Variants in CPED1 observed in about 807,000 individuals in gnomAD.
CPED1 encodes the protein cadherin-like and PC-esterase domain-containing protein 1.
CPED1 carries 114 observed loss-of-function variants against 128.2 expected under a neutral mutation model. The ratio of observed to expected loss-of-function variants is 0.89; its 90% CI spans 0.76 to 1.04. The LOEUF (loss-of-function observed/expected upper bound fraction) is 1.04. Ranked by LOEUF, CPED1 falls within the 50% of genes least tolerant of loss-of-function variation. The probability of loss-of-function intolerance (pLI) is 0.00; values close to 1 mark genes in which losing one functional copy is unlikely to be tolerated. For synonymous variants in CPED1, 462 were observed against 426.7 expected (o/e 1.08, Z -1.02); for missense variants, 1,211 against 1,207.1 (o/e 1.00, Z -0.05).
At chr7:121,252,518 G>A (rs1824841535) in intron 18 of CPED1, among the ~76,000 whole-genome samples, 1 of 151,798 alleles carries the variant, frequency 6.6e-6, no homozygotes, top group South Asian at 2.1e-4. Flanking sequence ...ACTACCATCA[G>A]AGTGAACAGG....
chr7:121,255,549 T>G (rs1304556138), intron 18 of CPED1, among the ~76,000 whole-genome samples: 1 of 152,054 alleles, frequency 6.6e-6, no homozygotes. Context: ...AACATAGTAC[T>G]GGAAGTTCTA....
intron 4 of CPED1, among the ~76,000 whole-genome samples, chr7:121,060,572 G>C (rs1365260051): frequency 6.6e-6 from 1 of 152,204 alleles, no homozygotes; most frequent in Non-Finnish European, 1.5e-5. Context: ...TTCTGGAGGG[G>C]CCTTGGAGAA....
At chr7:121,188,668 C>T (rs1442609886) in intron 16 of CPED1, among the ~76,000 whole-genome samples, 1 of 151,890 alleles carries the variant, frequency 6.6e-6, no homozygotes, top group Admixed American at 6.6e-5. Context: ...GAAAAGGAAA[C>T]TTAAATGGAG....
intron 3 of CPED1, among the ~76,000 whole-genome samples, chr7:121,026,536 GT>G (rs1346897349): frequency 6.6e-6 from 1 of 152,020 alleles, no homozygotes; most frequent in Non-Finnish European, 1.5e-5. Flanking sequence ...TATAGCCATG[GT>G]TCTCAGGCCT....
intron 5 of CPED1, among the ~76,000 whole-genome samples, chr7:121,087,715 C>T (rs2116169350): frequency 7.2e-6 from 1 of 139,546 alleles, no homozygotes; most frequent in South Asian, 2.2e-4. Flanking sequence ...GGCTGGAATG[C>T]AGTGGCATGA....
In CPED1 at chr7:121,127,145, A is replaced by G; in HGVS notation, c.1190A>G (p.Asn397Ser). Reference protein sequence around the residue: ...DYDNMDFEDQNTEEFLLNDTF... With the variant: ...DYDNMDFEDQSTEEFLLNDTF... Reference sequence around the variant, plus strand: ...GATAATATGGATTTTGAGGACCAAAATACAGAAGAATTCCTTTTAAATGAC... The same window carrying G: ...GATAATATGGATTTTGAGGACCAAAGTACAGAAGAATTCCTTTTAAATGAC... The change falls in exon 10 of 23, where the codon AAT (asparagine) becomes AGT (serine). Residue 397 changes from asparagine (N) to serine (S), a missense_variant. Physicochemically the swap from Asn to Ser is conservative, Grantham distance 46. Transcript: ENST00000310396. The G allele has an allele frequency of 6.3e-7, 1 of 1,599,384 alleles. No individual in the cohort carries two copies. Among genetic ancestry groups the G allele is most frequent in the Non-Finnish European group, 8.6e-7 (1 of 1,169,246 alleles).
At chr7:121,274,851 G>T (rs551802391) in intron 22 of CPED1, among the ~76,000 whole-genome samples, 2 of 152,096 alleles carry the variant, frequency 1.3e-5, no homozygotes, top group African/African-American at 4.8e-5. Context: ...GATAATGAAT[G>T]CAGCAAGCTA....
intron 17 of CPED1, 105 bp from the exon 18 acceptor site, chr7:121,244,097 T>G: frequency 7.6e-7 from 1 of 1,309,530 alleles, no homozygotes; most frequent in Non-Finnish European, 1.1e-6. Flanking sequence ...ATAAGGATGG[T>G]CTTACTATAA....
rs1794044785 is a variant in CPED1 at position 121,073,510 on chromosome 7, C to T, written c.616+9197C>T. Among the ~76,000 whole-genome samples, 3 of 152,156 alleles carry T rather than the reference C, an allele frequency of 2.0e-5. No individual in the cohort carries two copies. In the South Asian group the frequency reaches 6.2e-4, roughly 31 times the overall value. On this transcript the variant is annotated intron_variant, in intron 5 of 22. Coordinates refer to ENST00000310396, the MANE Select transcript of CPED1 (RefSeq NM_024913.5). ...AAAAATGTTTCTACATAACACCAGT[C>T]CTTCTTCTACAGTTTACTTTAGCTT...
intron 18 of CPED1, among the ~76,000 whole-genome samples, chr7:121,256,431 T>G (rs1456063719): frequency 2.0e-5 from 3 of 151,970 alleles, no homozygotes; most frequent in Non-Finnish European, 1.5e-5. Context: ...AAAAATTATT[T>G]CAAGATGTAT....
rs372310929 is a variant in CPED1, at chr7:121,050,626, G to A, written c.540+3633G>A. Among the ~76,000 whole-genome samples the A allele has an allele frequency of 3.9e-5, 6 of 152,192 alleles. No individual in the cohort carries two copies. The East Asian group carries it at 1.2e-3, about 29-fold the overall frequency. The stretch of plus-strand genomic sequence containing the variant: ...TTACAGGCGTCTGCCACCACACCCA[G>A]CTAATTTTTTGTATTTTTAGTAGAG... On this transcript the variant is annotated intron_variant, in intron 4 of 22. Coordinates refer to ENST00000310396, the MANE Select transcript of CPED1 (RefSeq NM_024913.5).
At chr7:121,234,847 C>T (rs1370654271) in intron 16 of CPED1, among the ~76,000 whole-genome samples, 1 of 152,062 alleles carries the variant, frequency 6.6e-6, no homozygotes, top group African/African-American at 2.4e-5. Context: ...ATGAATTGTT[C>T]TATAACTTTT....
At chr7:121,017,121 A>G (rs566324073) in intron 3 of CPED1, among the ~76,000 whole-genome samples, 13 of 152,344 alleles carry the variant, frequency 8.5e-5, no homozygotes, top group African/African-American at 2.6e-4. Flanking sequence ...AGAGCCCAGA[A>G]GATCTGCTTT....
At chr7:121,126,991 C>T in intron 9 of CPED1, 99 bp from the exon 10 acceptor site, 3 of 912,574 alleles carry the variant, frequency 3.3e-6, no homozygotes, top group Non-Finnish European at 4.8e-6. Flanking sequence ...CAGTTCTGAT[C>T]TATAATCCAA....
intron 2 of CPED1, among the ~76,000 whole-genome samples, chr7:120,994,473 C>T (rs1406400276): frequency 6.6e-6 from 1 of 152,064 alleles, no homozygotes; most frequent in Non-Finnish European, 1.5e-5. Context: ...AGGAAACTGA[C>T]AATTACAAGA....
At chr7:121,131,860 A>T (rs1795678629) in intron 12 of CPED1, among the ~76,000 whole-genome samples, 1 of 151,930 alleles carries the variant, frequency 6.6e-6, no homozygotes, top group Non-Finnish European at 1.5e-5. Flanking sequence ...TTTGCTACAT[A>T]GCATCTGATA....
At chr7:121,002,188 G>C (rs998690113) in intron 2 of CPED1, among the ~76,000 whole-genome samples, 9 of 152,148 alleles carry the variant, frequency 5.9e-5, no homozygotes, top group Non-Finnish European at 1.3e-4. Flanking sequence ...GCAATAGGAA[G>C]TATAATAGCA....
chr7:121,137,745 T>C (rs757051583), intron 14 of CPED1, among the ~76,000 whole-genome samples: 8 of 151,920 alleles, frequency 5.3e-5, no homozygotes, highest in Admixed American at 1.3e-4. Flanking sequence ...CCCAGAAAAA[T>C]ACATGCTACT....
intron 2 of CPED1, among the ~76,000 whole-genome samples, chr7:121,002,072 A>T (rs1791877842): frequency 6.6e-6 from 1 of 152,186 alleles, no homozygotes; most frequent in South Asian, 2.1e-4. Flanking sequence ...ATAGTGTGCT[A>T]TACAAATGCC....
Sources: gnomAD v4.1 joint callset for allele counts (sites outside exome capture counted in the v4.1 genomes callset) on GRCh38, gnomAD v4.1.1 for gene constraint, MANE v1.5 for transcripts, NCBI Gene and HGNC (gene_info 2026-07-23, HGNC 2026-07-21) for gene names.